EYS: variants seen among roughly 807,000 people sequenced by gnomAD.
The protein encoded by EYS is EGF-like photoreceptor maintenance factor.
In EYS, 250 loss-of-function variants were observed where a neutral mutation model predicts 282.1. That is an observed-to-expected ratio of 0.89 (90% CI 0.80 to 0.98). EYS has a LOEUF of 0.98. Among genes scored for constraint, EYS ranks in the 50% least tolerant of loss-of-function variants. The pLI is 0.00. For missense variants in EYS, 4,016 were observed against 3,709.0 expected (o/e 1.08, Z -2.15); for synonymous variants, 1,355 against 1,282.9 (o/e 1.06, Z -1.20).
chr6:64,051,475 A>C lies in EYS; in HGVS notation c.6725+14863T>G, dbSNP rs183977918. Reference sequence around the variant, plus strand: ...ACAGGGTCTATCAATGTAGAACGGAATAGGATGCTTCCTGGAATAGCAATT... The same window carrying C: ...ACAGGGTCTATCAATGTAGAACGGACTAGGATGCTTCCTGGAATAGCAATT... On this transcript the variant is annotated intron_variant, in intron 33 of 42. Coordinates refer to ENST00000503581, the MANE Select transcript of EYS (RefSeq NM_001142800.2). 5.1e-4 allele frequency among the ~76,000 whole-genome samples: 78 copies of C among 152,278 alleles called. 3 individuals carry two copies. The highest frequency in any genetic ancestry group is 5.1e-3 in the Admixed American group (78 of 15,280).
intron 2 of EYS, among the ~76,000 whole-genome samples, chr6:65,533,717 A>G (rs1767866626): frequency 6.6e-6 from 1 of 152,138 alleles, no homozygotes; most frequent in South Asian, 2.1e-4. Context: ...GATGCCATCT[A>G]TAAGAAACAG....
intron 12 of EYS, among the ~76,000 whole-genome samples, chr6:65,259,471 T>C (rs866539579): frequency 2.0e-5 from 3 of 152,046 alleles, no homozygotes; most frequent in Admixed American, 1.3e-4. Context: ...GAGAGAGACA[T>C]TGAATAAATT....
chr6:65,362,347 A>C (rs1764742311), intron 8 of EYS, among the ~76,000 whole-genome samples: 1 of 152,224 alleles, frequency 6.6e-6, no homozygotes, highest in South Asian at 2.1e-4. Context: ...CAATTCCTAA[A>C]GGCAATACAT....
intron 5 of EYS, among the ~76,000 whole-genome samples, chr6:65,454,775 T>C (rs973164644): frequency 6.6e-6 from 1 of 152,138 alleles, no homozygotes; most frequent in Non-Finnish European, 1.5e-5. Flanking sequence ...TTTTCCTCAA[T>C]GTGTGTTCTT....
intron 14 of EYS, among the ~76,000 whole-genome samples, chr6:64,996,620 G>A (rs1407385348): frequency 6.6e-6 from 1 of 151,816 alleles, no homozygotes; most frequent in Non-Finnish European, 1.5e-5. Context: ...TTGAAAAGTG[G>A]CTAGACAACC....
chr6:64,419,763 C>G (rs998895110), intron 28 of EYS, among the ~76,000 whole-genome samples: 1 of 152,244 alleles, frequency 6.6e-6, no homozygotes, highest in Non-Finnish European at 1.5e-5. Context: ...GGCAGCACTG[C>G]CCCTGTGGCT....
chr6:64,782,143 A>G (rs557847570), intron 22 of EYS, among the ~76,000 whole-genome samples: 3 of 152,374 alleles, frequency 2.0e-5, no homozygotes, highest in Admixed American at 1.3e-4. Context: ...TTATTGGCAG[A>G]TCATATGTTT....
At chr6:64,974,294 CA>C (rs1405176937) in intron 14 of EYS, among the ~76,000 whole-genome samples, 1 of 151,734 alleles carries the variant, frequency 6.6e-6, no homozygotes, top group African/African-American at 2.4e-5. Flanking sequence ...GGTTAACTTA[CA>C]ATAAAATAAG....
At chr6:64,231,360 CAA>C (rs1766421159) in intron 30 of EYS, among the ~76,000 whole-genome samples, 1 of 151,860 alleles carries the variant, frequency 6.6e-6, no homozygotes, top group Non-Finnish European at 1.5e-5. Flanking sequence ...TGAACAACAA[CAA>C]AAGTCTCTCT....
intron 22 of EYS, among the ~76,000 whole-genome samples, chr6:64,701,442 A>G (rs1583057346): frequency 6.6e-6 from 1 of 152,218 alleles, no homozygotes; most frequent in East Asian, 1.9e-4. Context: ...CTGAATAGAG[A>G]CTAATATCCA....
chr6:63,936,058 CA>C lies in EYS; in HGVS notation c.7055+48324del, dbSNP rs541324935. Among the ~76,000 whole-genome samples, 489 of 152,282 alleles carry C rather than the reference CA, an allele frequency of 3.2e-3. 2 individuals carry two copies. The highest frequency in any genetic ancestry group is 0.011 in the African/African-American group (465 of 41,564). On this transcript the variant is annotated intron_variant, in intron 35 of 42. Coordinates refer to ENST00000503581, the MANE Select transcript of EYS (RefSeq NM_001142800.2). ...TCACTAAATTTCCCCACTTTGGCTTCAAACTTATATTGTGATATTTGTTTTA... is the reference window on the plus strand; with the variant it reads ...TCACTAAATTTCCCCACTTTGGCTTCAACTTATATTGTGATATTTGTTTTA...
chr6:64,392,897 A>G (rs1012297593), intron 28 of EYS, among the ~76,000 whole-genome samples: 4 of 151,966 alleles, frequency 2.6e-5, no homozygotes, highest in African/African-American at 7.3e-5. Context: ...TAATAAAGAA[A>G]AAAAGAGAGA....
intron 40 of EYS, among the ~76,000 whole-genome samples, chr6:63,773,693 C>A (rs1390785492): frequency 1.3e-5 from 2 of 152,142 alleles, no homozygotes; most frequent in Non-Finnish European, 2.9e-5. Context: ...GTTTAGGGAA[C>A]AGGTCACTAG....
At chr6:63,936,357 T>C (rs1389233141) in intron 35 of EYS, among the ~76,000 whole-genome samples, 2 of 152,360 alleles carry the variant, frequency 1.3e-5, no homozygotes, top group African/African-American at 4.8e-5. Context: ...TAGGAATCTC[T>C]GCTAGCCTGA....
chr6:63,851,912 C>T (rs1247627160), intron 36 of EYS, among the ~76,000 whole-genome samples: 1 of 152,134 alleles, frequency 6.6e-6, no homozygotes, highest in African/African-American at 2.4e-5. Context: ...AATCCCAGCA[C>T]TTTGGGAGGC....
At chr6:65,272,687 T>C (rs1181410614) in intron 12 of EYS, among the ~76,000 whole-genome samples, 1 of 152,184 alleles carries the variant, frequency 6.6e-6, no homozygotes, top group Non-Finnish European at 1.5e-5. Context: ...AATTATTACA[T>C]ATATATAAAT....
chr6:65,322,369 T>C (rs1367534484), intron 11 of EYS, among the ~76,000 whole-genome samples: 2 of 152,174 alleles, frequency 1.3e-5, no homozygotes, highest in South Asian at 2.1e-4. Flanking sequence ...AAGGTTAGTA[T>C]GAGCTTGTCA....
At chr6:64,623,906 T>C (rs770582449) in intron 23 of EYS, among the ~76,000 whole-genome samples, 5 of 152,106 alleles carry the variant, frequency 3.3e-5, no homozygotes, top group East Asian at 1.9e-4. Flanking sequence ...TGAAGAGTAA[T>C]CTGCAGGAGC....
chr6:65,164,778 T>C (rs1764932985), intron 12 of EYS, among the ~76,000 whole-genome samples: 1 of 151,280 alleles, frequency 6.6e-6, no homozygotes, highest in Admixed American at 6.6e-5. Flanking sequence ...TTCACGGTTC[T>C]CCTAGCTTCT....
Sources: allele counts gnomAD v4.1 joint callset (sites outside exome capture counted in the v4.1 genomes callset), GRCh38; gene constraint gnomAD v4.1.1; transcripts MANE v1.5; gene names NCBI Gene and HGNC (gene_info 2026-07-23, HGNC 2026-07-21).